The following HPCAL1 variants were observed in gnomAD, a reference collection of about 807,000 sequenced individuals.
HPCAL1 encodes hippocalcin like 1, also known as hippocalcin-like protein 1.
HPCAL1 carries 8 observed loss-of-function variants against 17.1 expected under a neutral mutation model. That is an observed-to-expected ratio of 0.47 (90% CI 0.27 to 0.84). HPCAL1 has a LOEUF of 0.84. Ranked by LOEUF, HPCAL1 falls within the 40% of genes least tolerant of loss-of-function variation. The pLI is 0.13. For synonymous variants in HPCAL1, 112 were observed against 111.4 expected (o/e 1.01, Z -0.03); for missense variants, 165 against 271.1 (o/e 0.61, Z 2.75).
intron 1 of HPCAL1, among the ~76,000 whole-genome samples, chr2:10,373,116 C>T (rs991523716): frequency 1.9e-4 from 29 of 152,366 alleles, no homozygotes; most frequent in African/African-American, 6.0e-4. Flanking sequence ...AGCTGCGAGC[C>T]GGGGCCGGGG....
At chr2:10,411,096 C>A (rs1670326615) in intron 2 of HPCAL1, among the ~76,000 whole-genome samples, 1 of 152,216 alleles carries the variant, frequency 6.6e-6, no homozygotes, top group Admixed American at 6.5e-5. Context: ...CCGTCACCTT[C>A]ATTTGGCATT....
chr2:10,392,850 G>T (rs993547302), intron 1 of HPCAL1, among the ~76,000 whole-genome samples: 2 of 152,222 alleles, frequency 1.3e-5, no homozygotes, highest in African/African-American at 2.4e-5. Context: ...ACGAAGGGCT[G>T]GGGGAGGTGG....
At position 10,305,879 on chromosome 2, in the gene HPCAL1, A is replaced by G. The variant is rs181049885; in HGVS notation, c.-111+2702A>G. ...AGGCGCCCCATACTCACCTAGCACC[A>G]TTTCACCCTGGAGCTGTTTCCTCCT... On this transcript the variant is annotated intron_variant, in intron 1 of 4. Coordinates refer to ENST00000307845, the MANE Select transcript of HPCAL1 (RefSeq NM_002149.4). 6.2e-4 allele frequency among the ~76,000 whole-genome samples: 94 copies of G among 152,218 alleles called. 1 individual carries two copies. Among genetic ancestry groups the G allele is most frequent in the Non-Finnish European group, 1.5e-4 (10 of 68,012 alleles).
intron 1 of HPCAL1, among the ~76,000 whole-genome samples, chr2:10,366,926 C>T (rs917689238): frequency 6.6e-6 from 1 of 152,102 alleles, no homozygotes; most frequent in Non-Finnish European, 1.5e-5. Flanking sequence ...TTTGAGGAGG[C>T]TGTGTAGGCC....
intron 1 of HPCAL1, among the ~76,000 whole-genome samples, chr2:10,347,956 G>T (rs191595652): frequency 6.6e-6 from 1 of 152,198 alleles, no homozygotes; most frequent in Non-Finnish European, 1.5e-5. Context: ...GAGAAAGATT[G>T]GTATCTTCAT....
intron 1 of HPCAL1, among the ~76,000 whole-genome samples, chr2:10,374,683 G>A (rs905506619): frequency 1.3e-5 from 2 of 152,230 alleles, no homozygotes; most frequent in Non-Finnish European, 2.9e-5. Context: ...TCTTGGAAAG[G>A]GCCTGGGGTT....
intron 1 of HPCAL1, among the ~76,000 whole-genome samples, chr2:10,317,010 T>G (rs1487808877): frequency 1.3e-5 from 2 of 152,198 alleles, no homozygotes; most frequent in African/African-American, 4.8e-5. Flanking sequence ...ATTACAAGAT[T>G]TAACACCGAG....
chr2:10,394,208 C>T lies in HPCAL1; in HGVS notation c.-110-2627C>T, dbSNP rs1668870513. 6.6e-6 allele frequency among the ~76,000 whole-genome samples: 1 copy of T among 152,084 alleles called. No homozygotes were observed. Among genetic ancestry groups the T allele is most frequent in the African/African-American group, 2.4e-5 (1 of 41,394 alleles). ...GTTTGGGGATTTGTGTTTTGGGCGC[C>T]CCACACCCCATTTAGCCGAGTGTCA... is the stretch of plus-strand genomic sequence containing the variant. On this transcript the variant is annotated intron_variant, in intron 1 of 4. Transcript: ENST00000307845. This position sits in a 1 kb window ranked among gnomAD's most constrained non-coding sequence, Gnocchi z 5.0.
chr2:10,371,972 C>T (rs1667240864), intron 1 of HPCAL1, among the ~76,000 whole-genome samples: 1 of 152,234 alleles, frequency 6.6e-6, no homozygotes, highest in South Asian at 2.1e-4. Flanking sequence ...ATGTTTCTCT[C>T]CTTCTTAGAG....
intron 1 of HPCAL1, among the ~76,000 whole-genome samples, chr2:10,319,485 A>C (rs1159023326): frequency 6.6e-6 from 1 of 151,470 alleles, no homozygotes; most frequent in Non-Finnish European, 1.5e-5. Flanking sequence ...GGCATGGCTC[A>C]AATCAGAGCA....
At chr2:10,374,308 CA>C (rs3036402) in intron 1 of HPCAL1, among the ~76,000 whole-genome samples, 18 of 148,766 alleles carry the variant, frequency 1.2e-4, no homozygotes, top group Non-Finnish European at 1.5e-4. Context: ...AAATACAGGG[CA>C]AAAAAAAAAA....
In HPCAL1 at chr2:10,384,090, A is replaced by C. The variant is rs994539684; in HGVS notation, c.-110-12745A>C. On this transcript the variant is annotated intron_variant, in intron 1 of 4. Transcript: ENST00000307845. This position sits in a 1 kb window ranked among gnomAD's most constrained non-coding sequence, Gnocchi z 4.4. ...TTGGTAAGCTGGCTCCATGGCAAGA[A>C]TCAGCATCCTAATACTTGCCCCACC... Among the ~76,000 whole-genome samples, 1 of 152,274 alleles carries C rather than the reference A, an allele frequency of 6.6e-6. No individual in the cohort carries two copies. The highest frequency in any genetic ancestry group is 1.9e-4 in the East Asian group (1 of 5,174).
intron 1 of HPCAL1, among the ~76,000 whole-genome samples, chr2:10,376,130 A>G (rs1402523357): frequency 6.6e-6 from 1 of 152,194 alleles, no homozygotes. Flanking sequence ...GCCTCCCACC[A>G]TGATCGTAAG....
intron 1 of HPCAL1, among the ~76,000 whole-genome samples, chr2:10,387,255 G>GA (rs1392632923): frequency 3.3e-5 from 5 of 152,238 alleles, no homozygotes; most frequent in Non-Finnish European, 7.3e-5. Flanking sequence ...CCAGCCTCAC[G>GA]GCCTCCTCAG....
rs1467546672 is a variant in HPCAL1, at chr2:10,304,147, G to T, written c.-111+970G>T. 6.6e-6 allele frequency among the ~76,000 whole-genome samples: 1 copy of T among 152,164 alleles called. No individual in the cohort carries two copies. The highest frequency in any genetic ancestry group is 1.9e-4 in the East Asian group (1 of 5,170). ...GCACCTCCCGGGCGGCGCCGCCTCCGCGAGTGCCCGAGAGCGCCGCGCTGG... is the reference window on the plus strand; with the variant it reads ...GCACCTCCCGGGCGGCGCCGCCTCCTCGAGTGCCCGAGAGCGCCGCGCTGG... On this transcript the variant is annotated intron_variant, in intron 1 of 4. Transcript: ENST00000307845. This position sits in a 1 kb window ranked among gnomAD's most constrained non-coding sequence, Gnocchi z 4.1.
rs376859150 is a variant in HPCAL1, at chr2:10,331,124, C to T, written c.-111+27947C>T. Among the ~76,000 whole-genome samples, 7 of 152,150 alleles carry T rather than the reference C, an allele frequency of 4.6e-5. No homozygotes were observed. Among genetic ancestry groups the T allele is most frequent in the African/African-American group, 7.2e-5 (3 of 41,404 alleles). Reference sequence around the variant, plus strand: ...GGTTTCTCTAAGCCTTGCAAGTGACCGCACCCTCTTACTGCATGCGGGCCT... The same window carrying T: ...GGTTTCTCTAAGCCTTGCAAGTGACTGCACCCTCTTACTGCATGCGGGCCT... On this transcript the variant is annotated intron_variant, in intron 1 of 4. Transcript: ENST00000307845. The surrounding 1 kb of genome is among the most constrained non-coding windows in gnomAD (Gnocchi z 5.0).
chr2:10,390,531 G>T (rs1668623610), intron 1 of HPCAL1, among the ~76,000 whole-genome samples: 1 of 152,002 alleles, frequency 6.6e-6, no homozygotes, highest in South Asian at 2.1e-4. Context: ...TTCTCCCTAA[G>T]GGACTTTGCT....
rs191490175 is a variant in HPCAL1 at position 10,415,076 on chromosome 2, A to C, written c.-24-4658A>C. On this transcript the variant is annotated intron_variant, in intron 2 of 4. Transcript: ENST00000307845. ...TAGGAATGACCAAGTGGAGATGTGC[A>C]GGGTTTGGGGGTGCCCCAGCTTGAG... Among the ~76,000 whole-genome samples, 5 of 152,330 alleles carry C rather than the reference A, an allele frequency of 3.3e-5. No individual in the cohort carries two copies. The East Asian group carries it at 9.6e-4, about 29-fold the overall frequency.
intron 1 of HPCAL1, among the ~76,000 whole-genome samples, chr2:10,352,588 G>A (rs1259829072): frequency 6.6e-6 from 1 of 152,226 alleles, no homozygotes; most frequent in Non-Finnish European, 1.5e-5. Flanking sequence ...CTCTTCCTCT[G>A]CAGTCCCCTG....
Sources: gnomAD v4.1 joint callset for allele counts (sites outside exome capture counted in the v4.1 genomes callset) on GRCh38, gnomAD v4.1.1 for gene constraint, Gnocchi (gnomAD v3.1) non-coding constraint, MANE v1.5 for transcripts, NCBI Gene and HGNC (gene_info 2026-07-23, HGNC 2026-07-21) for gene names.